Variants in PTPRO observed in about 807,000 individuals in gnomAD.
PTPRO encodes protein tyrosine phosphatase receptor type O.
Under a neutral mutation model 145.2 loss-of-function variants are expected in PTPRO, and 62 were observed. The ratio of observed to expected loss-of-function variants is 0.43; its 90% CI spans 0.35 to 0.53. PTPRO has a LOEUF of 0.53. PTPRO is among the 20% of genes least tolerant of loss of function. PTPRO has a pLI of 0.01. For synonymous variants in PTPRO, 565 were observed against 514.7 expected, an observed-to-expected ratio of 1.10 and a Z score of -1.32; for missense variants, 1,345 against 1,482.7, an observed-to-expected ratio of 0.91 and a Z score of 1.53.
intron 15 of PTPRO, among the ~76,000 whole-genome samples, chr12:15,555,316 A>G (rs10846208): frequency 0.31 from 46,880 of 151,998 alleles, 7,539 homozygotes; most frequent in Middle Eastern, 0.5. Flanking sequence ...CAGGGAGTAA[A>G]TGTAAAAGAA....
intron 1 of PTPRO, among the ~76,000 whole-genome samples, chr12:15,415,490 T>C (rs1010851540): frequency 3.9e-5 from 6 of 151,972 alleles, no homozygotes; most frequent in Admixed American, 1.3e-4. Context: ...GTTCACGCCA[T>C]TCTCCTGCCT....
At chr12:15,451,101 A>G (rs1011827747) in intron 1 of PTPRO, among the ~76,000 whole-genome samples, 2 of 152,106 alleles carry the variant, frequency 1.3e-5, no homozygotes, top group African/African-American at 4.8e-5. Context: ...CACCTAACAC[A>G]TAAGGACTCA....
chr12:15,392,598 G>A (rs888903625), intron 1 of PTPRO, among the ~76,000 whole-genome samples: 2 of 151,780 alleles, frequency 1.3e-5, no homozygotes, highest in African/African-American at 4.8e-5. Context: ...GCGCACACCT[G>A]TAATCCCAGC....
At chr12:15,426,943 A>C (rs1333298366) in intron 1 of PTPRO, among the ~76,000 whole-genome samples, 1 of 152,042 alleles carries the variant, frequency 6.6e-6, no homozygotes, top group African/African-American at 2.4e-5. Flanking sequence ...TTTGGCAGTC[A>C]AAGGGATATT....
intron 16 of PTPRO, 25 bp from the exon 17 acceptor site, chr12:15,560,168 A>G (rs761349465): frequency 6.6e-7 from 1 of 1,518,328 alleles, no homozygotes; most frequent in Non-Finnish European, 9.1e-7. Flanking sequence ...TCATCTTTCC[A>G]TCTGTTGTCT....
chr12:15,431,534 AAGAC>A (rs974267605), intron 1 of PTPRO, among the ~76,000 whole-genome samples: 36 of 152,340 alleles, frequency 2.4e-4, no homozygotes, highest in Admixed American at 2.2e-3. Context: ...TTGCCAAACT[AAGAC>A]AGATCTTGTT....
At chr12:15,565,895 T>G (rs1299091714) in intron 18 of PTPRO, among the ~76,000 whole-genome samples, 3 of 152,196 alleles carry the variant, frequency 2.0e-5, no homozygotes, top group South Asian at 4.1e-4. Context: ...ATTTTTAAAG[T>G]CTTGGAGGAG....
chr12:15,478,510 C>A (rs550276168), intron 1 of PTPRO, among the ~76,000 whole-genome samples: 7 of 152,008 alleles, frequency 4.6e-5, no homozygotes, highest in Non-Finnish European at 1.0e-4. Flanking sequence ...ATCAATTTTT[C>A]TTTTTAAGGA....
In PTPRO at chr12:15,535,614, C is replaced by T. The variant is rs115902261; in HGVS notation, c.2164+9352C>T. 8.6e-3 allele frequency among the ~76,000 whole-genome samples: 1,303 copies of T among 152,330 alleles called. 23 individuals are homozygous for T. Among genetic ancestry groups the T allele is most frequent in the African/African-American group, 0.029 (1,218 of 41,574 alleles). On this transcript the variant is annotated intron_variant, in intron 12 of 26. Transcript: ENST00000281171. ...AGCTGGCGCTTAGAGAAATGTGACACGCTTTATACATTGCTAGGTCTTGGT... is the reference window on the plus strand; with the variant it reads ...AGCTGGCGCTTAGAGAAATGTGACATGCTTTATACATTGCTAGGTCTTGGT...
At chr12:15,563,404 G>A (rs571678870) in intron 17 of PTPRO, among the ~76,000 whole-genome samples, 2 of 152,168 alleles carry the variant, frequency 1.3e-5, no homozygotes, top group Non-Finnish European at 2.9e-5. Flanking sequence ...TTTAGTCTCG[G>A]AATTAGCACA....
chr12:15,335,573 T>C (rs1374344031), intron 1 of PTPRO, among the ~76,000 whole-genome samples: 1 of 152,130 alleles, frequency 6.6e-6, no homozygotes, highest in African/African-American at 2.4e-5. Flanking sequence ...GGTTAGATAC[T>C]TGAGATTTGT....
At chr12:15,383,564 A>C (rs547953558) in intron 1 of PTPRO, among the ~76,000 whole-genome samples, 1 of 152,216 alleles carries the variant, frequency 6.6e-6, no homozygotes, top group Non-Finnish European at 1.5e-5. Flanking sequence ...CAGCCTCGGG[A>C]CATCTTGAGA....
intron 24 of PTPRO, 76 bp downstream of exon 24, chr12:15,587,127 G>A (rs2135665376): frequency 2.0e-6 from 3 of 1,513,612 alleles, no homozygotes; most frequent in Non-Finnish European, 2.7e-6. Flanking sequence ...CATTCCATAA[G>A]CCCTTATCAG....
chr12:15,374,082 A>C lies in PTPRO; in HGVS notation c.75+51281A>C, dbSNP rs527706774. Among the ~76,000 whole-genome samples, 19 of 152,358 alleles carry C rather than the reference A, an allele frequency of 1.2e-4. 1 individual carries two copies. In the South Asian group the frequency reaches 3.7e-3, roughly 30 times the overall value. ...ATGATTAGTACAGACATTTGCTAAC[A>C]ACGGCTTTGAAAATGTTTAAACATA... On this transcript the variant is annotated intron_variant, in intron 1 of 26. Coordinates refer to ENST00000281171, the MANE Select transcript of PTPRO (RefSeq NM_030667.3).
chr12:15,350,766 C>T (rs1937776505), intron 1 of PTPRO, among the ~76,000 whole-genome samples: 1 of 152,146 alleles, frequency 6.6e-6, no homozygotes, highest in African/African-American at 2.4e-5. Flanking sequence ...CATTGCAGAG[C>T]TATTTATACA....
At chr12:15,426,217 G>A (rs1399690898) in intron 1 of PTPRO, among the ~76,000 whole-genome samples, 2 of 151,186 alleles carry the variant, frequency 1.3e-5, no homozygotes, top group Non-Finnish European at 3.0e-5. Context: ...ATTTTTAATT[G>A]GATCCTGCTG....
intron 1 of PTPRO, among the ~76,000 whole-genome samples, chr12:15,416,250 G>T (rs570793596): frequency 3.3e-5 from 5 of 151,556 alleles, no homozygotes; most frequent in African/African-American, 1.2e-4. Flanking sequence ...TGAGTTTCAA[G>T]CCTAATGTTT....
chr12:15,330,535 C>A (rs149222248), intron 1 of PTPRO, among the ~76,000 whole-genome samples: 22 of 152,324 alleles, frequency 1.4e-4, no homozygotes, highest in African/African-American at 4.1e-4. Context: ...TGTTCCCTTG[C>A]CCTTTGGTTC....
chr12:15,539,278 G>A (rs1271137622), intron 12 of PTPRO, among the ~76,000 whole-genome samples: 3 of 152,026 alleles, frequency 2.0e-5, no homozygotes, highest in East Asian at 1.9e-4. Flanking sequence ...TGCATGTAAC[G>A]AAATTACACT....
Sources: allele counts gnomAD v4.1 joint callset (sites outside exome capture counted in the v4.1 genomes callset), GRCh38; gene constraint gnomAD v4.1.1; transcripts MANE v1.5; gene names NCBI Gene and HGNC (gene_info 2026-07-23, HGNC 2026-07-21).